CSF2RA: variants seen among roughly 807,000 people sequenced by gnomAD.
The protein encoded by CSF2RA is colony stimulating factor 2 receptor subunit alpha.
A neutral mutation model predicts 51.6 loss-of-function variants in CSF2RA; 42 were observed. That is an observed-to-expected ratio of 0.81 (90% CI 0.64 to 1.05). The LOEUF is 1.05. Ranked by LOEUF, CSF2RA falls within the 50% of genes least tolerant of loss-of-function variation. The probability of loss-of-function intolerance (pLI) is 0.00; values close to 1 mark genes in which losing one functional copy is unlikely to be tolerated. For synonymous variants in CSF2RA, 222 were observed against 193.0 expected (o/e 1.15, Z -1.24); for missense variants, 530 against 501.1 (o/e 1.06, Z -0.55).
At chrX:1,322,907 A>T in the CSF2RA span, among the ~76,000 whole-genome samples, 1 of 151,576 alleles carries the variant, frequency 6.6e-6, no homozygotes, top group Non-Finnish European at 1.5e-5. Context: ...AGACAGGCAG[A>T]TCACGAGGTC....
intron 9 of CSF2RA, among the ~76,000 whole-genome samples, chrX:1,299,101 C>T (rs764140183): frequency 6.6e-6 from 1 of 152,288 alleles, no homozygotes; most frequent in East Asian, 1.9e-4. Context: ...TGGGCAGGGT[C>T]TGCTCTTGGC....
chrX:1,317,620 G>A, the CSF2RA span, among the ~76,000 whole-genome samples: 6 of 150,300 alleles, frequency 4.0e-5, no homozygotes, highest in Non-Finnish European at 7.4e-5. Context: ...CCAGGCTGGA[G>A]TGCAATGGTA....
Position 1,290,463 on chromosome X carries a change from A to G in CSF2RA, c.600A>G (p.Glu200=). The G allele has an allele frequency of 6.2e-7, 1 of 1,613,958 alleles. No homozygotes were observed. The highest frequency in any genetic ancestry group is 8.5e-7 in the Non-Finnish European group (1 of 1,179,870). The change falls in exon 7 of 13, where the codon GAA becomes GAG. Residue 200 remains glutamate (E), a synonymous_variant. Coordinates refer to ENST00000381529, the MANE Select transcript of CSF2RA (RefSeq NM_172245.4). ...NYFLVNGTSR[E]IGIQFFDSLL... is the part of the protein sequence containing the mutation. Reference sequence around the variant, plus strand: ...TTCTGGTTAACGGAACCAGCCGAGAAATTGGCATCCAATTCTTTGATTCAC... The same window carrying G: ...TTCTGGTTAACGGAACCAGCCGAGAGATTGGCATCCAATTCTTTGATTCAC...
chrX:1,318,979 A>ATTTATTTTAT, the CSF2RA span, among the ~76,000 whole-genome samples: 2 of 149,954 alleles, frequency 1.3e-5, no homozygotes, highest in African/African-American at 4.9e-5. Context: ...ATGATCCTTT[A>ATTTATTTTAT]TTTATTTTAT....
intron 10 of CSF2RA, chrX:1,302,786 C>A: frequency 3.1e-6 from 1 of 320,368 alleles, no homozygotes; most frequent in Non-Finnish European, 5.5e-6. Flanking sequence ...CTCCGTCTCC[C>A]AGGCTCAAGC....
the CSF2RA span, among the ~76,000 whole-genome samples, chrX:1,319,917 A>ACGGAG: frequency 6.9e-6 from 1 of 144,028 alleles, no homozygotes; most frequent in Non-Finnish European, 1.5e-5. Context: ...TTGTTTTGAG[A>ACGGAG]TGGAGTCTCG....
At position 1,300,832 on chromosome X, in the gene CSF2RA, T is replaced by C. The variant is rs773609074; in HGVS notation, c.946+206T>C. Among the ~76,000 whole-genome samples, 14 of 152,224 alleles carry C rather than the reference T, an allele frequency of 9.2e-5. No homozygotes were observed. In the South Asian group the frequency reaches 2.1e-3, roughly 23 times the overall value. Reference sequence around the variant, plus strand: ...CGCAACATTGCTTTGCTGATGTTTTTTCAGGACGGATGAGTTGGCTCCCTT... The same window carrying C: ...CGCAACATTGCTTTGCTGATGTTTTCTCAGGACGGATGAGTTGGCTCCCTT... On this transcript the variant is annotated intron_variant, in intron 10 of 12. Transcript: ENST00000381529.
At position 1,285,876 on chromosome X, in the gene CSF2RA, A is replaced by C. The variant is rs1159546249; in HGVS notation, c.175A>C (p.Lys59Gln). ...CTGCCAAGAAAACACAACCTTCAGC[A>C]AGTGTTTCTTAACTGACAAGAAGAA... is the stretch of plus-strand genomic sequence containing the variant. ...WDCQENTTFSKCFLTDKKNRV... is the reference protein window; with the variant it reads ...WDCQENTTFSQCFLTDKKNRV... Residue 59 changes from lysine to glutamine, a missense_variant, in exon 4 of 13, where the codon AAG (lysine) becomes CAG (glutamine). Lys to Gln is a moderately conservative substitution (Grantham distance 53). Coordinates refer to ENST00000381529, the MANE Select transcript of CSF2RA (RefSeq NM_172245.4). 2.5e-6 allele frequency: 4 copies of C among 1,613,852 alleles called. No homozygotes were observed. In the African/African-American group the frequency reaches 5.3e-5, roughly 22 times the overall value.
Position 1,290,321 on chromosome X carries a change from C to T in CSF2RA, c.474-16C>T. 6.2e-7 allele frequency: 1 copy of T among 1,610,120 alleles called. No homozygotes were observed. The highest frequency in any genetic ancestry group is 8.5e-7 in the Non-Finnish European group (1 of 1,176,622). ...TGTTTTCCTGATTGCTCTCTGAGCA[C>T]TTTCTAATCTTTCAGGAGAAGGAGG... On this transcript the variant is annotated splice_polypyrimidine_tract_variant and intron_variant, in intron 6 of 12. Transcript: ENST00000381529.
At chrX:1,320,584 GC>G in the CSF2RA span, among the ~76,000 whole-genome samples, 1 of 147,082 alleles carries the variant, frequency 6.8e-6, no homozygotes, top group Non-Finnish European at 1.5e-5. Context: ...TGCAACCTCT[GC>G]CTCCAGGGTT....
At chrX:1,282,340 A>T in intron 2 of CSF2RA, 1 of 339,088 alleles carries the variant, frequency 2.9e-6, no homozygotes, top group Non-Finnish European at 5.5e-6. Flanking sequence ...AATGAATGAA[A>T]GTGACTGCAA....
chrX:1,315,974 A>G, the CSF2RA span, among the ~76,000 whole-genome samples: 2 of 151,466 alleles, frequency 1.3e-5, no homozygotes, highest in African/African-American at 4.8e-5. Context: ...TAGATGATTG[A>G]TAGAAAATAG....
At chrX:1,275,163 C>CG (rs1232082640) in intron 2 of CSF2RA, among the ~76,000 whole-genome samples, 13 of 151,108 alleles carry the variant, frequency 8.6e-5, no homozygotes, top group Non-Finnish European at 1.8e-4. Context: ...GAGGCTGAGG[C>CG]GGGGGGATCA....
At chrX:1,279,888 C>G (rs1278014838) in intron 2 of CSF2RA, among the ~76,000 whole-genome samples, 1 of 151,662 alleles carries the variant, frequency 6.6e-6, no homozygotes, top group African/African-American at 2.4e-5. Flanking sequence ...CTCCTGGGTT[C>G]AAGCGATTCT....
the CSF2RA span, among the ~76,000 whole-genome samples, chrX:1,315,808 TAGATAGATAGATTAGA>T: frequency 2.3e-4 from 19 of 81,314 alleles, no homozygotes; most frequent in South Asian, 2.0e-3. Flanking sequence ...GATAGATAGA[TAGATAGATAGATTAGA>T]TAGATGAATG....
At chrX:1,290,182 T>A (rs752512377) in intron 6 of CSF2RA, among the ~76,000 whole-genome samples, 155 bp from the exon 7 acceptor site, 9 of 151,994 alleles carry the variant, frequency 5.9e-5, no homozygotes, top group African/African-American at 2.2e-4. Flanking sequence ...TTGTGTTTTG[T>A]GTTTTTGTGG....
At chrX:1,270,645 G>A (rs758626512) in intron 1 of CSF2RA, among the ~76,000 whole-genome samples, 28 of 152,014 alleles carry the variant, frequency 1.8e-4, no homozygotes, top group African/African-American at 6.0e-4. Context: ...TCCTCGGTCT[G>A]TTTAGTAAAC....
At chrX:1,281,828 T>C (rs1419249317) in intron 2 of CSF2RA, 1 of 147,504 alleles carries the variant, frequency 6.8e-6, no homozygotes, top group African/African-American at 2.5e-5. Context: ...ACCCTTTTTT[T>C]CTTCCTCTTC....
Position 1,294,376 on chromosome X carries a change from A to G in CSF2RA, c.695A>G (p.His232Arg), listed in dbSNP as rs1207376662. The G allele has an allele frequency of 6.2e-7, 1 of 1,613,910 alleles. No individual in the cohort carries two copies. The highest frequency in any genetic ancestry group is 8.5e-7 in the Non-Finnish European group (1 of 1,179,864). The change falls in exon 8 of 13, where the codon CAC (histidine) becomes CGC (arginine). Residue 232 changes from histidine (H) to arginine (R), a missense_variant. Physicochemically the swap from His to Arg is conservative, Grantham distance 29 (BLOSUM62 0). Transcript: ENST00000381529. ...SNVTVRCNTT[H>R]CLVRWKQPRT... ...GTCACCGTACGTTGCAACACGACGC[A>G]CTGCCTCGTACGGTGGAAACAGCCC...
Sources: gnomAD v4.1 joint callset for allele counts (sites outside exome capture counted in the v4.1 genomes callset) on GRCh38, gnomAD v4.1.1 for gene constraint, MANE v1.5 for transcripts, NCBI Gene and HGNC (gene_info 2026-07-23, HGNC 2026-07-21) for gene names.